Variants in BMPER observed in about 807,000 individuals in gnomAD.
The protein encoded by BMPER is BMP-binding endothelial regulator protein.
A neutral mutation model predicts 87.3 loss-of-function variants in BMPER; 45 were observed. That is an observed-to-expected ratio of 0.52 (90% CI 0.41 to 0.66). The LOEUF (loss-of-function observed/expected upper bound fraction) is 0.66. BMPER is among the 30% of genes least tolerant of loss of function. The pLI is 0.00. For missense variants in BMPER, 784 were observed against 867.5 expected (o/e 0.90, Z 1.21); for synonymous variants, 326 against 316.2 (o/e 1.03, Z -0.33).
chr7:34,124,242 C>T (rs1790339726), intron 13 of BMPER, among the ~76,000 whole-genome samples: 1 of 152,132 alleles, frequency 6.6e-6, no homozygotes, highest in Admixed American at 6.5e-5. Flanking sequence ...CCTCTACTTC[C>T]ACAACTCAGC....
chr7:34,015,046 C>T (rs1786983134), intron 6 of BMPER, among the ~76,000 whole-genome samples: 1 of 151,882 alleles, frequency 6.6e-6, no homozygotes, highest in Non-Finnish European at 1.5e-5. Flanking sequence ...AAGAGTCTCT[C>T]ATTTCATGCT....
At chr7:33,997,437 A>G (rs1786444063) in intron 6 of BMPER, among the ~76,000 whole-genome samples, 1 of 152,100 alleles carries the variant, frequency 6.6e-6, no homozygotes, top group African/African-American at 2.4e-5. Flanking sequence ...TTCTCGTGAT[A>G]GTGAGTTCTT....
upstream of BMPER, chr7:33,905,438 T>TCCCCCCCCCCCCCCCCCCACCCCC: frequency 1.3e-4 from 3 of 23,006 alleles, no homozygotes; most frequent in South Asian, 4.7e-4. Context: ...CCTTGGTCTC[T>TCCCCCCCCCCCCCCCCCCACCCCC]CCCCCCGCCC....
chr7:33,994,454 A>G (rs967487130), intron 6 of BMPER, among the ~76,000 whole-genome samples: 2 of 152,142 alleles, frequency 1.3e-5, no homozygotes, highest in African/African-American at 4.8e-5. Context: ...TTCCCAAGTG[A>G]GGCAATGCCT....
At chr7:33,908,061 G>A (rs1562623100) in intron 2 of BMPER, among the ~76,000 whole-genome samples, 2 of 152,082 alleles carry the variant, frequency 1.3e-5, no homozygotes, top group Non-Finnish European at 2.9e-5. Flanking sequence ...TAATAAAACA[G>A]AGCTGAGAGA....
chr7:34,132,996 G>T (rs918849293), intron 13 of BMPER, among the ~76,000 whole-genome samples: 3 of 152,096 alleles, frequency 2.0e-5, no homozygotes, highest in African/African-American at 7.2e-5. Context: ...TTTGAATTTG[G>T]TCTCTGACCC....
chr7:34,101,534 G>A (rs769846414), intron 13 of BMPER, among the ~76,000 whole-genome samples: 2 of 152,222 alleles, frequency 1.3e-5, no homozygotes, highest in Admixed American at 1.3e-4. Context: ...ACAGTTATGA[G>A]TTGTAAGGTC....
At chr7:33,999,934 C>T (rs1418625450) in intron 6 of BMPER, among the ~76,000 whole-genome samples, 2 of 152,142 alleles carry the variant, frequency 1.3e-5, no homozygotes, top group African/African-American at 4.8e-5. Context: ...AAGTGGAGAC[C>T]TCATCAAACC....
At chr7:33,951,951 A>C (rs187544167) in intron 3 of BMPER, among the ~76,000 whole-genome samples, 3 of 152,264 alleles carry the variant, frequency 2.0e-5, no homozygotes, top group African/African-American at 7.2e-5. Flanking sequence ...TTGATATTTT[A>C]TTGTTCCTTC....
At chr7:34,123,677 A>G (rs550313034) in intron 13 of BMPER, among the ~76,000 whole-genome samples, 26 of 152,212 alleles carry the variant, frequency 1.7e-4, no homozygotes, top group Non-Finnish European at 3.1e-4. Context: ...TTCATGGATG[A>G]TTGAGCATCT....
chr7:33,905,800 G>C, intron 1 of BMPER, 54 bp downstream of exon 1: 1 of 1,437,294 alleles, frequency 7.0e-7, no homozygotes, highest in Non-Finnish European at 9.4e-7. Context: ...TTGGTACCTG[G>C]GAAAGGTGGC....
chr7:34,148,702 G>T (rs1204187081), intron 14 of BMPER, among the ~76,000 whole-genome samples: 5 of 152,160 alleles, frequency 3.3e-5, no homozygotes, highest in Non-Finnish European at 7.4e-5. Flanking sequence ...AGAAAGGTAA[G>T]ATGCCTTAGA....
chr7:34,065,245 T>TCTCTCC (rs1562720574), intron 11 of BMPER, among the ~76,000 whole-genome samples: 2 of 147,234 alleles, frequency 1.4e-5, no homozygotes, highest in Non-Finnish European at 3.0e-5. Flanking sequence ...TCTCTCTCTC[T>TCTCTCC]CTCCCTCTCT....
intron 6 of BMPER, among the ~76,000 whole-genome samples, chr7:34,041,425 C>T (rs998315372): frequency 3.3e-5 from 5 of 152,164 alleles, no homozygotes; most frequent in African/African-American, 1.2e-4. Flanking sequence ...CACTCTTCTG[C>T]TTTGATTTGT....
At chr7:34,071,718 C>A (rs1260769986) in intron 11 of BMPER, among the ~76,000 whole-genome samples, 1 of 152,232 alleles carries the variant, frequency 6.6e-6, no homozygotes, top group South Asian at 2.1e-4. Context: ...CTGGAAGGTG[C>A]TCTGGAGGAC....
At position 33,908,191 on chromosome 7, in the gene BMPER, AGT is replaced by A. The variant is rs373194623; in HGVS notation, c.219+1297_219+1298del. 1.9e-3 allele frequency among the ~76,000 whole-genome samples: 290 copies of A among 152,238 alleles called. 2 individuals are homozygous for A. Among genetic ancestry groups the A allele is most frequent in the African/African-American group, 6.7e-3 (279 of 41,554 alleles). On this transcript the variant is annotated intron_variant, in intron 2 of 14. Coordinates refer to ENST00000649409, the MANE Select transcript of BMPER (RefSeq NM_001365308.1). ...GACTCAGTTGTAGATTTACAAATGCAGTGTGTGTGTATGTGTGTTTAATCTTC... is the reference window on the plus strand; with the variant it reads ...GACTCAGTTGTAGATTTACAAATGCAGTGTGTGTATGTGTGTTTAATCTTC...
chr7:33,905,304 C>A (rs1783777388), upstream of BMPER, among the ~76,000 whole-genome samples: 4 of 151,926 alleles, frequency 2.6e-5, no homozygotes, highest in South Asian at 8.3e-4. Context: ...TCCTCCTGGC[C>A]CCCTCTCCGG....
intron 2 of BMPER, among the ~76,000 whole-genome samples, chr7:33,936,795 A>G (rs991607037): frequency 2.0e-5 from 3 of 152,320 alleles, no homozygotes; most frequent in African/African-American, 4.8e-5. Flanking sequence ...AGCCGATCCA[A>G]TATTCAACTT....
intron 6 of BMPER, among the ~76,000 whole-genome samples, chr7:33,995,562 C>T (rs1276943816): frequency 6.6e-6 from 1 of 152,152 alleles, no homozygotes; most frequent in African/African-American, 2.4e-5. Flanking sequence ...ATTCCAGTAG[C>T]ATGGTATGCC....
Sources: allele counts gnomAD v4.1 joint callset (sites outside exome capture counted in the v4.1 genomes callset), GRCh38; gene constraint gnomAD v4.1.1; transcripts MANE v1.5; gene names NCBI Gene and HGNC (gene_info 2026-07-23, HGNC 2026-07-21).